GRID1: variants seen among roughly 807,000 people sequenced by gnomAD.
The protein encoded by GRID1 is glutamate receptor ionotropic, delta-1.
In GRID1, 28 loss-of-function variants were observed where a neutral mutation model predicts 98.0. That is an observed-to-expected ratio of 0.29 (90% CI 0.21 to 0.39). The LOEUF (loss-of-function observed/expected upper bound fraction) is 0.39, where lower values mean the gene tolerates loss of function less well. GRID1 is among the 10% of genes least tolerant of loss of function. The pLI, the probability that GRID1 is intolerant of heterozygous loss-of-function variation, is 1.00. For missense variants in GRID1, 1,111 were observed against 1,340.5 expected (o/e 0.83, Z 2.67); for synonymous variants, 553 against 538.5 (o/e 1.03, Z -0.37).
intron 12 of GRID1, among the ~76,000 whole-genome samples, chr10:85,653,658 T>G (rs944679830): frequency 2.6e-5 from 4 of 152,158 alleles, no homozygotes; most frequent in African/African-American, 9.7e-5. Context: ...CTTTAAAAGG[T>G]GATTGGATCA....
At chr10:86,321,648 A>G (rs537408291) in intron 2 of GRID1, among the ~76,000 whole-genome samples, 30 of 152,282 alleles carry the variant, frequency 2.0e-4, no homozygotes, top group African/African-American at 7.2e-4. Flanking sequence ...GAGGACCCAG[A>G]AGAAGCCCCA....
At chr10:85,796,328 A>G (rs777179321) in intron 8 of GRID1, among the ~76,000 whole-genome samples, 2 of 152,178 alleles carry the variant, frequency 1.3e-5, no homozygotes, top group African/African-American at 4.8e-5. Flanking sequence ...AAATAAACCT[A>G]GACATATTGT....
At chr10:86,035,054 A>C (rs1843240636) in intron 4 of GRID1, among the ~76,000 whole-genome samples, 1 of 151,234 alleles carries the variant, frequency 6.6e-6, no homozygotes, top group Admixed American at 6.6e-5. Context: ...TCCAGGGAGC[A>C]CAGTCATTTG....
At chr10:85,999,051 A>G (rs1589330563) in intron 4 of GRID1, among the ~76,000 whole-genome samples, 1 of 152,264 alleles carries the variant, frequency 6.6e-6, no homozygotes, top group African/African-American at 2.4e-5. Flanking sequence ...TGTCTCTACT[A>G]AAAATACAAA....
chr10:85,715,876 T>C (rs1354446480), intron 12 of GRID1, among the ~76,000 whole-genome samples: 1 of 151,924 alleles, frequency 6.6e-6, no homozygotes, highest in Non-Finnish European at 1.5e-5. Flanking sequence ...ATTGCAGCAT[T>C]ATTAGAAATT....
intron 8 of GRID1, among the ~76,000 whole-genome samples, chr10:85,755,508 G>C (rs1360465963): frequency 6.6e-6 from 1 of 152,188 alleles, no homozygotes; most frequent in Non-Finnish European, 1.5e-5. Flanking sequence ...CATGCTAGTG[G>C]TCAAAGCAAG....
At chr10:86,188,874 A>C (rs1365537240) in intron 3 of GRID1, among the ~76,000 whole-genome samples, 2 of 152,206 alleles carry the variant, frequency 1.3e-5, no homozygotes, top group African/African-American at 4.8e-5. Flanking sequence ...GACAAGTGGC[A>C]GAGCATAAGT....
Position 85,901,221 on chromosome 10 carries a change from AT to A in GRID1, c.780+14964del, listed in dbSNP as rs1564622054. On this transcript the variant is annotated intron_variant, in intron 5 of 15. Coordinates refer to ENST00000327946, the MANE Select transcript of GRID1 (RefSeq NM_017551.3). ...TTTTATTTATTTATTCATTTATTTTATTTTATTTTATTTATTTATTTATTTA... is the reference window on the plus strand; with the variant it reads ...TTTTATTTATTTATTCATTTATTTTATTTATTTTATTTATTTATTTATTTA... Among the ~76,000 whole-genome samples the A allele has an allele frequency of 9.6e-4, 141 of 146,500 alleles. 3 individuals are homozygous for A. Among genetic ancestry groups the A allele is most frequent in the African/African-American group, 3.4e-3 (131 of 38,530 alleles).
intron 15 of GRID1, among the ~76,000 whole-genome samples, chr10:85,604,564 G>A (rs1842630055): frequency 6.6e-6 from 1 of 152,122 alleles, no homozygotes; most frequent in Admixed American, 6.5e-5. Context: ...AGTGTCGTCG[G>A]GAAATTGTGG....
At chr10:86,293,547 T>C (rs1263640065) in intron 2 of GRID1, among the ~76,000 whole-genome samples, 2 of 152,212 alleles carry the variant, frequency 1.3e-5, no homozygotes, top group Admixed American at 6.5e-5. Context: ...TTCTGCATAT[T>C]ACATTTCAAA....
chr10:86,247,462 A>C (rs942599411), intron 2 of GRID1, among the ~76,000 whole-genome samples: 2 of 152,156 alleles, frequency 1.3e-5, no homozygotes, highest in Admixed American at 6.5e-5. Context: ...AAAGAGTATA[A>C]AAGGATTGAC....
chr10:85,664,994 C>G (rs1316294723), intron 12 of GRID1, among the ~76,000 whole-genome samples: 3 of 152,120 alleles, frequency 2.0e-5, no homozygotes, highest in Non-Finnish European at 4.4e-5. Flanking sequence ...AGTATATATT[C>G]ACACACAGAT....
chr10:86,354,650 G>A (rs762699999), intron 2 of GRID1, among the ~76,000 whole-genome samples: 7 of 152,238 alleles, frequency 4.6e-5, no homozygotes, highest in Non-Finnish European at 1.0e-4. Context: ...TTTGGGAACT[G>A]AACCCACACC....
intron 2 of GRID1, among the ~76,000 whole-genome samples, chr10:86,222,651 C>T (rs1284857633): frequency 1.3e-5 from 2 of 152,130 alleles, no homozygotes; most frequent in Middle Eastern, 3.2e-3. Flanking sequence ...TGTAGGAGCC[C>T]CTAAGTGCCA....
At chr10:86,080,074 C>T (rs1234018250) in intron 4 of GRID1, among the ~76,000 whole-genome samples, 1 of 152,114 alleles carries the variant, frequency 6.6e-6, no homozygotes, top group East Asian at 1.9e-4. Context: ...TGGCTCACGC[C>T]TGTAATCCCA....
intron 8 of GRID1, among the ~76,000 whole-genome samples, chr10:85,802,741 G>A (rs1290907304): frequency 2.0e-5 from 3 of 151,014 alleles, no homozygotes; most frequent in African/African-American, 7.3e-5. Flanking sequence ...TCAAACACTG[G>A]ACAAGAGGCA....
In GRID1 at chr10:85,772,571, G is replaced by A. The variant is rs939471782; in HGVS notation, c.1234-42957C>T. The stretch of plus-strand genomic sequence containing the variant: ...AAAGGATCAACAAAACTGATAGACT[G>A]CTAGCAAGACTAATAAAGAAGAAAA... On this transcript the variant is annotated intron_variant, in intron 8 of 15. Transcript: ENST00000327946. Among the ~76,000 whole-genome samples the A allele has an allele frequency of 2.0e-5, 3 of 152,240 alleles. No homozygotes were observed. The East Asian group carries it at 5.8e-4, about 29-fold the overall frequency.
At chr10:86,058,833 C>T (rs983927555) in intron 4 of GRID1, among the ~76,000 whole-genome samples, 1 of 152,208 alleles carries the variant, frequency 6.6e-6, no homozygotes, top group African/African-American at 2.4e-5. Context: ...GACACCAGGT[C>T]CCAGCCCTTG....
chr10:86,141,870 G>A (rs1408552223), intron 3 of GRID1, among the ~76,000 whole-genome samples: 2 of 152,220 alleles, frequency 1.3e-5, no homozygotes, highest in Admixed American at 1.3e-4. Flanking sequence ...TCCTAAATAT[G>A]GGAGACTGGC....
Sources: allele counts gnomAD v4.1 joint callset (sites outside exome capture counted in the v4.1 genomes callset), GRCh38; gene constraint gnomAD v4.1.1; transcripts MANE v1.5; gene names NCBI Gene and HGNC (gene_info 2026-07-23, HGNC 2026-07-21).